The following TNRC6A variants were observed in gnomAD, a reference collection of about 807,000 sequenced individuals.
TNRC6A encodes the protein trinucleotide repeat-containing gene 6A protein.
Under a neutral mutation model 221.2 loss-of-function variants are expected in TNRC6A, and 44 were observed. The ratio of observed to expected loss-of-function variants is 0.20; its 90% CI spans 0.16 to 0.26. The LOEUF (loss-of-function observed/expected upper bound fraction) is 0.26, where lower values mean the gene tolerates loss of function less well. Ranked by LOEUF, TNRC6A falls within the 10% of genes least tolerant of loss-of-function variation. The probability of loss-of-function intolerance (pLI) is 1.00; values close to 1 mark genes in which losing one functional copy is unlikely to be tolerated. For synonymous variants in TNRC6A, 847 were observed against 838.5 expected (o/e 1.01, Z -0.18); for missense variants, 2,199 against 2,404.4 (o/e 0.91, Z 1.79).
intron 14 of TNRC6A, 21 bp from the exon 15 acceptor site, chr16:24,805,584 A>G: frequency 1.2e-6 from 2 of 1,613,606 alleles, no homozygotes; most frequent in Non-Finnish European, 1.7e-6. Context: ...AAGATCATTA[A>G]CTTACCATTG....
At chr16:24,656,699 T>C (rs959583908) in intron 2 of TNRC6A, among the ~76,000 whole-genome samples, 12 of 152,218 alleles carry the variant, frequency 7.9e-5, no homozygotes, top group African/African-American at 2.6e-4. Flanking sequence ...TTTATAGAAA[T>C]TATTTTGGGG....
chr16:24,777,249 A>G lies in TNRC6A; in HGVS notation c.480A>G (p.Ala160=). 6.2e-7 allele frequency: 1 copy of G among 1,614,194 alleles called. No individual in the cohort carries two copies. The highest frequency in any genetic ancestry group is 8.5e-7 in the Non-Finnish European group (1 of 1,180,036). Residue 160 remains alanine (A), a synonymous_variant, in exon 5 of 25, where the codon GCA becomes GCG. Transcript: ENST00000395799. ...KRGQHFPVIA[A]NLGSAVKVLN... is the part of the protein sequence containing the mutation. ...GTCAGCATTTTCCTGTTATAGCAGC[A>G]AACCTTGGATCTGCTGTTAAGGTGT... is the stretch of plus-strand genomic sequence containing the variant.
intron 19 of TNRC6A, 136 bp downstream of exon 19, chr16:24,815,441 G>A (rs2058636744): frequency 2.9e-6 from 3 of 1,034,806 alleles, no homozygotes; most frequent in African/African-American, 1.6e-5. Flanking sequence ...ATGCAGAAGT[G>A]ATTGAGGAAA....
intron 2 of TNRC6A, among the ~76,000 whole-genome samples, chr16:24,666,656 A>ATATAT (rs1365808853): frequency 2.4e-5 from 3 of 124,560 alleles, no homozygotes; most frequent in African/African-American, 1.0e-4. Flanking sequence ...AAAAAAAAAA[A>ATATAT]AAAAAAAAAA....
rs1273028543 is a variant in TNRC6A, at chr16:24,789,381, C to G, written c.739C>G (p.Pro247Ala). The stretch of plus-strand genomic sequence containing the variant: ...ATGGCCCTCAGCCCCTGGCAGTGAT[C>G]CGGAGTTGGCTTCAGAATGTATGGA... ...EAWPSAPGSD[P>A]ELASECMDAD... is the part of the protein sequence containing the mutation. The change falls in exon 6 of 25, where the codon CCG (proline) becomes GCG (alanine). Residue 247 changes from proline to alanine, a missense_variant. Pro to Ala is a conservative substitution (Grantham distance 27, BLOSUM62 -1). Coordinates refer to ENST00000395799, the MANE Select transcript of TNRC6A (RefSeq NM_014494.4). 3 of 1,614,186 alleles carry G rather than the reference C, an allele frequency of 1.9e-6. No homozygotes were observed. Among genetic ancestry groups the G allele is most frequent in the Admixed American group, 1.7e-5 (1 of 60,024 alleles).
intron 2 of TNRC6A, among the ~76,000 whole-genome samples, chr16:24,666,403 G>A (rs1267052982): frequency 6.7e-6 from 1 of 149,872 alleles, no homozygotes; most frequent in Non-Finnish European, 1.5e-5. Context: ...AACCCGGGAG[G>A]CAGAGCTTGC....
chr16:24,657,363 C>G (rs969582951), intron 2 of TNRC6A, among the ~76,000 whole-genome samples: 2 of 112,176 alleles, frequency 1.8e-5, no homozygotes, highest in South Asian at 3.0e-4. Flanking sequence ...AAGAAACAAA[C>G]AAACAAAACC....
At chr16:24,679,625 C>T (rs931677646) in intron 2 of TNRC6A, among the ~76,000 whole-genome samples, 6 of 151,980 alleles carry the variant, frequency 3.9e-5, no homozygotes, top group East Asian at 1.9e-4. Context: ...TACAGGCACA[C>T]GCTGCCACAT....
At chr16:24,656,900 A>T (rs146197305) in intron 2 of TNRC6A, among the ~76,000 whole-genome samples, 1 of 152,198 alleles carries the variant, frequency 6.6e-6, no homozygotes, top group Non-Finnish European at 1.5e-5. Flanking sequence ...GAACAAAATG[A>T]CCCAAAGTAG....
intron 17 of TNRC6A, among the ~76,000 whole-genome samples, chr16:24,807,151 G>A (rs577322781): frequency 4.6e-5 from 7 of 151,898 alleles, no homozygotes; most frequent in East Asian, 3.9e-4. Context: ...GATTACAGGC[G>A]CGCACCACCA....
intron 2 of TNRC6A, among the ~76,000 whole-genome samples, chr16:24,675,702 CTATATATATATATA>C (rs60165161): frequency 5.4e-3 from 178 of 33,262 alleles, no homozygotes; most frequent in Non-Finnish European, 7.5e-3. Flanking sequence ...CTCTCTCTCT[CTATATATATATATA>C]TATATATATA....
intron 2 of TNRC6A, among the ~76,000 whole-genome samples, chr16:24,712,907 C>CTGTGTGTGTGTGTGTATGTGTGTGTGTG (rs1252970472): frequency 7.9e-6 from 1 of 126,702 alleles, no homozygotes; most frequent in African/African-American, 3.2e-5. Context: ...TTATGTGCCA[C>CTGTGTGTGTGTGTGTATGTGTGTGTGTG]TGTGTGTGTG....
At chr16:24,687,246 A>T (rs1317403140) in intron 2 of TNRC6A, among the ~76,000 whole-genome samples, 2 of 152,004 alleles carry the variant, frequency 1.3e-5, no homozygotes, top group Non-Finnish European at 2.9e-5. Flanking sequence ...CAATGTCTAC[A>T]TCTCCCCTAC....
intron 4 of TNRC6A, among the ~76,000 whole-genome samples, chr16:24,772,519 A>G (rs935513185): frequency 1.3e-5 from 2 of 151,926 alleles, no homozygotes; most frequent in Non-Finnish European, 2.9e-5. Context: ...ATTAAAGGCC[A>G]TGTGCAGTGG....
chr16:24,804,074 A>T, intron 11 of TNRC6A, 103 bp from the exon 12 acceptor site: 1 of 1,240,962 alleles, frequency 8.1e-7, no homozygotes, highest in Non-Finnish European at 1.1e-6. Flanking sequence ...TCTTGGCTGA[A>T]GTCATTTCAG....
Position 24,794,602 on chromosome 16 carries a change from C to T in TNRC6A, c.3411C>T (p.Arg1137=), listed in dbSNP as rs372596142. The T allele has an allele frequency of 6.2e-7, 1 of 1,613,948 alleles. No homozygotes were observed. The highest frequency in any genetic ancestry group is 8.5e-7 in the Non-Finnish European group (1 of 1,179,928). ...CGDDMPLPGN[R]PTGWEEEEDV... is the part of the protein sequence containing the mutation. Reference sequence around the variant, plus strand: ...ATGATATGCCATTGCCTGGAAATCGCCCCACTGGCTGGGAAGAGGAAGAGG... The same window carrying T: ...ATGATATGCCATTGCCTGGAAATCGTCCCACTGGCTGGGAAGAGGAAGAGG... The change falls in exon 8 of 25, where the codon CGC becomes CGT. Residue 1137 remains arginine (R), a synonymous_variant. Transcript: ENST00000395799.
intron 18 of TNRC6A, among the ~76,000 whole-genome samples, chr16:24,814,485 T>C (rs1176803951): frequency 6.9e-6 from 1 of 144,290 alleles, no homozygotes; most frequent in Non-Finnish European, 1.5e-5. Context: ...CTCAGCTCAC[T>C]GCAACCTCTG....
At chr16:24,750,606 T>C (rs1006172076) in intron 2 of TNRC6A, 120 bp from the exon 3 acceptor site, 1 of 1,223,660 alleles carries the variant, frequency 8.2e-7, no homozygotes, top group African/African-American at 1.5e-5. Flanking sequence ...CAATGAATGA[T>C]AAAATAATAA....
At chr16:24,687,533 A>C (rs1323401197) in intron 2 of TNRC6A, among the ~76,000 whole-genome samples, 3 of 152,198 alleles carry the variant, frequency 2.0e-5, no homozygotes, top group African/African-American at 7.2e-5. Flanking sequence ...TCATGCCTGT[A>C]ATCCCAACAC....
Sources: gnomAD v4.1 joint callset for allele counts (sites outside exome capture counted in the v4.1 genomes callset) on GRCh38, gnomAD v4.1.1 for gene constraint, MANE v1.5 for transcripts, NCBI Gene and HGNC (gene_info 2026-07-23, HGNC 2026-07-21) for gene names.